The following NCOA6 variants were observed in gnomAD, a reference collection of about 807,000 sequenced individuals.
NCOA6 encodes nuclear receptor coactivator 6, also known as NRC RAP250.
In NCOA6, 49 loss-of-function variants were observed where a neutral mutation model predicts 171.4. That is an observed-to-expected ratio of 0.29 (90% CI 0.23 to 0.36). The LOEUF (loss-of-function observed/expected upper bound fraction) is 0.36. NCOA6 is among the 10% of genes least tolerant of loss of function. NCOA6 has a pLI of 1.00. For synonymous variants in NCOA6, 910 were observed against 927.5 expected (o/e 0.98, Z 0.34); for missense variants, 2,248 against 2,554.5 (o/e 0.88, Z 2.59).
intron 4 of NCOA6, among the ~76,000 whole-genome samples, chr20:34,769,174 G>T (rs1173863956): frequency 6.6e-6 from 1 of 152,134 alleles, no homozygotes; most frequent in African/African-American, 2.4e-5. Flanking sequence ...GACACCTAAT[G>T]ACAGGACCAA....
rs57979275 is a variant in NCOA6 at position 34,796,824 on chromosome 20, T to TAA, written c.-163-4263_-163-4262dup. Among the ~76,000 whole-genome samples the TAA allele has an allele frequency of 3.1e-4, 43 of 140,498 alleles. No individual in the cohort carries two copies. The East Asian group carries it at 8.6e-3, about 28-fold the overall frequency. The allele number at this position is 140,498 out of a possible 152,430, so 92.2% of individuals were successfully genotyped here. ...AAAAAGCTAGCATCCCGTCTCAAAT[T>TAA]AAAAAAAAAAAAGGTTGGAAGAAAA... is the stretch of plus-strand genomic sequence containing the variant. On this transcript the variant is annotated intron_variant, in intron 1 of 14. Coordinates refer to ENST00000359003, the MANE Select transcript of NCOA6 (RefSeq NM_014071.5).
At chr20:34,783,471 T>C (rs982648141) in intron 2 of NCOA6, among the ~76,000 whole-genome samples, 7 of 152,202 alleles carry the variant, frequency 4.6e-5, no homozygotes, top group Non-Finnish European at 1.0e-4. Flanking sequence ...CTCTGTTAGT[T>C]TGGGGATTGA....
chr20:34,742,106 G>T lies in NCOA6; in HGVS notation c.4150C>A (p.Pro1384Thr). Residue 1384 changes from proline to threonine, a missense_variant, in exon 11 of 15, where the codon CCC becomes ACC. By Grantham distance (38) the Pro-to-Thr change is conservative. This residue lies in a region of NCOA6 where 884 missense variants were observed against 941.9 expected (regional missense o/e 0.94). Coordinates refer to ENST00000359003, the MANE Select transcript of NCOA6 (RefSeq NM_014071.5). ...TTAGGAAAGCTCCCAGGTACAGGGGGATTGGCCAGAGGAGTGGGACTGACC... is the reference window on the plus strand; with the variant it reads ...TTAGGAAAGCTCCCAGGTACAGGGGTATTGGCCAGAGGAGTGGGACTGACC... Reference protein sequence around the residue: ...VLVSPTPLANPPVPGSFPNNS... With the variant: ...VLVSPTPLANTPVPGSFPNNS... 6.2e-7 allele frequency: 1 copy of T among 1,614,200 alleles called. No homozygotes were observed. Among genetic ancestry groups the T allele is most frequent in the South Asian group, 1.1e-5 (1 of 91,080 alleles).
chr20:34,779,221 A>C (rs894701853), intron 3 of NCOA6, among the ~76,000 whole-genome samples: 3 of 152,142 alleles, frequency 2.0e-5, no homozygotes, highest in African/African-American at 7.2e-5. Context: ...CTGATAAAAA[A>C]GTTATTTGGC....
intron 3 of NCOA6, among the ~76,000 whole-genome samples, chr20:34,777,614 C>CAA (rs549510097): frequency 7.5e-6 from 1 of 132,610 alleles, no homozygotes; most frequent in African/African-American, 2.7e-5. Context: ...GACTCCGTCT[C>CAA]AAAAAAAAAA....
intron 12 of NCOA6, 30 bp downstream of exon 12, chr20:34,736,655 CCCACT>C: frequency 6.4e-7 from 1 of 1,563,616 alleles, no homozygotes; most frequent in Non-Finnish European, 8.7e-7. Flanking sequence ...TGTAACCCAT[CCCACT>C]CCAAGAAGTT....
Position 34,792,521 on chromosome 20 carries a change from G to C in NCOA6, c.-121C>G, listed in dbSNP as rs1271940671. On this transcript the variant is annotated 5_prime_UTR_variant, in exon 2 of 15. Transcript: ENST00000359003. ...AGTCCAAAGAAGCTGGCATTTTTAGGGCTTGGATTTCAAGGTAGCAGCCCA... is the reference window on the plus strand; with the variant it reads ...AGTCCAAAGAAGCTGGCATTTTTAGCGCTTGGATTTCAAGGTAGCAGCCCA... 6 of 398,314 alleles carry C rather than the reference G, an allele frequency of 1.5e-5. No individual in the cohort carries two copies. 24.7% of individuals were successfully genotyped at this position (398,314 alleles called of 1,614,324 possible). A position where few individuals can be genotyped will look rare whatever the true frequency, so the allele number is the denominator to read the frequency against.
chr20:34,721,504 G>C (rs1318845430), intron 14 of NCOA6, among the ~76,000 whole-genome samples: 1 of 152,074 alleles, frequency 6.6e-6, no homozygotes, highest in Non-Finnish European at 1.5e-5. Context: ...GACAGTTTCA[G>C]GATGAAACTG....
intron 5 of NCOA6, among the ~76,000 whole-genome samples, chr20:34,761,336 C>G (rs975418234): frequency 3.3e-5 from 5 of 152,162 alleles, no homozygotes; most frequent in African/African-American, 9.7e-5. Context: ...TTGGCTACAT[C>G]TCACACATTT....
intron 1 of NCOA6, among the ~76,000 whole-genome samples, chr20:34,815,200 C>T (rs539774459): frequency 6.7e-6 from 1 of 148,662 alleles, no homozygotes; most frequent in South Asian, 2.3e-4. Context: ...ATAGGAAGAC[C>T]CATTCTCTAC....
intron 5 of NCOA6, among the ~76,000 whole-genome samples, chr20:34,764,233 G>A (rs1454576696): frequency 2.6e-5 from 4 of 151,872 alleles, no homozygotes; most frequent in Admixed American, 1.3e-4. Flanking sequence ...GACTACAGGC[G>A]TCCGCCACCA....
chr20:34,758,898 T>C lies in NCOA6; in HGVS notation c.550A>G (p.Ile184Val). ...IRMNNPATVM[I>V]PPGGNVSSSM... is the part of the protein sequence containing the mutation. The stretch of plus-strand genomic sequence containing the variant: ...GATGACACATTTCCACCCGGGGGTA[T>C]CATAACAGTGGCAGGGTTGTTCATC... Residue 184 changes from isoleucine to valine, a missense_variant, in exon 6 of 15, where the codon ATA becomes GTA. Ile to Val is a conservative substitution (Grantham distance 29). Around this residue, in one of 7 missense-constraint regions of NCOA6, gnomAD observed 987 missense variants for 1,104.7 expected, o/e 0.89. Transcript: ENST00000359003. 1 of 1,613,914 alleles carries C rather than the reference T, an allele frequency of 6.2e-7. No homozygotes were observed. Among genetic ancestry groups the C allele is most frequent in the Non-Finnish European group, 8.5e-7 (1 of 1,179,968 alleles).
At chr20:34,783,951 T>A (rs568981545) in intron 2 of NCOA6, among the ~76,000 whole-genome samples, 74 of 114,584 alleles carry the variant, frequency 6.5e-4, no homozygotes, top group Non-Finnish European at 1.0e-3. Context: ...TTATGGCACA[T>A]GTCCAGCCTT....
chr20:34,775,672 C>CAAA (rs570763953), intron 4 of NCOA6, among the ~76,000 whole-genome samples: 1 of 77,570 alleles, frequency 1.3e-5, no homozygotes, highest in Non-Finnish European at 2.5e-5. Context: ...GACTCTGTCT[C>CAAA]AAAAAAAAAA....
At chr20:34,783,115 C>G (rs1201939167) in intron 2 of NCOA6, among the ~76,000 whole-genome samples, 1 of 152,034 alleles carries the variant, frequency 6.6e-6, no homozygotes, top group Non-Finnish European at 1.5e-5. Context: ...AACCCTGCCA[C>G]TACTAAAACA....
At chr20:34,758,964 G>A in intron 5 of NCOA6, 31 bp from the exon 6 acceptor site, 2 of 1,603,278 alleles carry the variant, frequency 1.2e-6, no homozygotes, top group Non-Finnish European at 1.7e-6. Context: ...ATAGAGTACT[G>A]GAATTGGCAC....
intron 10 of NCOA6, among the ~76,000 whole-genome samples, chr20:34,746,572 TA>T (rs1290125001): frequency 2.0e-5 from 3 of 152,184 alleles, no homozygotes; most frequent in Admixed American, 2.0e-4. Flanking sequence ...TATGAGGACT[TA>T]AAATAACAAA....
At chr20:34,777,930 A>G (rs1294474456) in intron 3 of NCOA6, among the ~76,000 whole-genome samples, 1 of 152,138 alleles carries the variant, frequency 6.6e-6, no homozygotes, top group African/African-American at 2.4e-5. Context: ...ATTATTTGAG[A>G]CGGAATCTTG....
At chr20:34,763,464 T>G (rs2076878082) in intron 5 of NCOA6, among the ~76,000 whole-genome samples, 1 of 152,226 alleles carries the variant, frequency 6.6e-6, no homozygotes, top group African/African-American at 2.4e-5. Context: ...TTCTTATGAT[T>G]CTCATAATTG....
Sources: gnomAD v4.1 joint callset for allele counts (sites outside exome capture counted in the v4.1 genomes callset) on GRCh38, gnomAD v4.1.1 for gene constraint, gnomAD v4.1.1 regional missense constraint, MANE v1.5 for transcripts, NCBI Gene and HGNC (gene_info 2026-07-23, HGNC 2026-07-21) for gene names.